KITLG: variants seen among roughly 807,000 people sequenced by gnomAD.
The protein encoded by KITLG is c-Kit ligand.
A neutral mutation model predicts 34.1 loss-of-function variants in KITLG; 13 were observed. That is an observed-to-expected ratio of 0.38 (90% CI 0.25 to 0.61). The LOEUF (loss-of-function observed/expected upper bound fraction) is 0.61. Ranked by LOEUF, KITLG falls within the 20% of genes least tolerant of loss-of-function variation. The pLI is 0.60. For synonymous variants in KITLG, 110 were observed against 104.0 expected, an observed-to-expected ratio of 1.06 and a Z score of -0.35; for missense variants, 292 against 318.9, an observed-to-expected ratio of 0.92 and a Z score of 0.64.
chr12:88,500,159 T>C (rs1211788616), intron 9 of KITLG, among the ~76,000 whole-genome samples: 1 of 152,224 alleles, frequency 6.6e-6, no homozygotes, highest in Non-Finnish European at 1.5e-5. Flanking sequence ...ACACAGTTTC[T>C]ACTTTGGGAC....
At chr12:88,544,567 G>A (rs1870645621) in intron 2 of KITLG, among the ~76,000 whole-genome samples, 1 of 151,722 alleles carries the variant, frequency 6.6e-6, no homozygotes, top group Non-Finnish European at 1.5e-5. Flanking sequence ...TAGCTAACTG[G>A]GTATATAGCA....
intron 9 of KITLG, among the ~76,000 whole-genome samples, chr12:88,503,722 A>T (rs919174346): frequency 1.8e-4 from 28 of 152,128 alleles, no homozygotes; most frequent in Non-Finnish European, 8.8e-5. Flanking sequence ...CCTTTCTCCC[A>T]CAATCCCTCC....
Position 88,512,695 on chromosome 12 carries a change from T to TTA in KITLG, c.604+2837_604+2838dup. Among the ~76,000 whole-genome samples the TTA allele has an allele frequency of 1.3e-5, 2 of 151,792 alleles. 1 individual carries two copies. The highest frequency in any genetic ancestry group is 3.9e-4 in the East Asian group (2 of 5,188). On this transcript the variant is annotated intron_variant, in intron 6 of 9. Coordinates refer to ENST00000644744, the MANE Select transcript of KITLG (RefSeq NM_000899.5). The stretch of plus-strand genomic sequence containing the variant: ...ATAAGACAAATGGTGGCTACCTTTT[T>TTA]TATTTTTTTCAGAAACAATAACTGC...
chr12:88,551,588 G>A (rs1319478890), intron 1 of KITLG, among the ~76,000 whole-genome samples: 1 of 152,088 alleles, frequency 6.6e-6, no homozygotes, highest in Non-Finnish European at 1.5e-5. Context: ...TTTATTTTAG[G>A]TTTCATTTGT....
At chr12:88,562,836 G>A (rs1480623135) in intron 1 of KITLG, among the ~76,000 whole-genome samples, 2 of 152,134 alleles carry the variant, frequency 1.3e-5, no homozygotes, top group African/African-American at 4.8e-5. Flanking sequence ...CCTGGTAGAT[G>A]TGGCCCAAAA....
intron 6 of KITLG, among the ~76,000 whole-genome samples, chr12:88,510,848 T>C (rs1869249254): frequency 6.6e-6 from 1 of 152,084 alleles, no homozygotes; most frequent in Non-Finnish European, 1.5e-5. Context: ...CTAACCCTTC[T>C]CCCAAAAAAG....
At chr12:88,547,097 G>T (rs1489912235) in intron 1 of KITLG, among the ~76,000 whole-genome samples, 1 of 152,104 alleles carries the variant, frequency 6.6e-6, no homozygotes, top group Non-Finnish European at 1.5e-5. Context: ...TAAAATATGT[G>T]CACATTCTTT....
At chr12:88,568,305 ATTTATTTATTTATTTAT>A (rs2120975665) in intron 1 of KITLG, among the ~76,000 whole-genome samples, 1 of 122,106 alleles carries the variant, frequency 8.2e-6, no homozygotes, top group South Asian at 2.8e-4. Context: ...TTATTTATTT[ATTTATTTATTTATTTAT>A]TTTATTTATA....
intron 9 of KITLG, among the ~76,000 whole-genome samples, chr12:88,498,100 T>TA (rs1188630379): frequency 6.6e-6 from 1 of 151,952 alleles, no homozygotes; most frequent in African/African-American, 2.4e-5. Flanking sequence ...CTTCTCTACT[T>TA]AAAAAAAATA....
At chr12:88,498,897 G>C (rs947445204) in intron 9 of KITLG, among the ~76,000 whole-genome samples, 2 of 149,626 alleles carry the variant, frequency 1.3e-5, no homozygotes, top group Admixed American at 1.3e-4. Context: ...AAGAAAGAAA[G>C]AGAGAGAGAG....
intron 6 of KITLG, among the ~76,000 whole-genome samples, chr12:88,508,015 C>T (rs1001596779): frequency 1.3e-4 from 19 of 151,990 alleles, no homozygotes; most frequent in African/African-American, 3.9e-4. Context: ...GGTAAAACCC[C>T]GTCTCTACTA....
intron 3 of KITLG, among the ~76,000 whole-genome samples, chr12:88,526,718 A>T (rs1441690823): frequency 1.3e-5 from 2 of 152,148 alleles, no homozygotes; most frequent in Non-Finnish European, 2.9e-5. Context: ...AATCTAAAAG[A>T]ATCAGGTGTT....
intron 1 of KITLG, among the ~76,000 whole-genome samples, chr12:88,562,516 C>T (rs1871329716): frequency 6.6e-6 from 1 of 152,114 alleles, no homozygotes; most frequent in Non-Finnish European, 1.5e-5. Context: ...TGAAGAAGCC[C>T]CTCGTAAATA....
intron 3 of KITLG, among the ~76,000 whole-genome samples, chr12:88,527,796 T>C (rs982332847): frequency 1.3e-5 from 2 of 152,208 alleles, no homozygotes; most frequent in Non-Finnish European, 2.9e-5. Flanking sequence ...ATCACTTTCG[T>C]AGCATTGTCA....
chr12:88,498,959 G>A (rs1364591127), intron 9 of KITLG, among the ~76,000 whole-genome samples: 1 of 152,114 alleles, frequency 6.6e-6, no homozygotes, highest in Non-Finnish European at 1.5e-5. Flanking sequence ...TTGTCCCCGG[G>A]TCACTTAGCA....
chr12:88,561,140 T>C (rs1871286365), intron 1 of KITLG, among the ~76,000 whole-genome samples: 1 of 152,162 alleles, frequency 6.6e-6, no homozygotes, highest in African/African-American at 2.4e-5. Context: ...AAAGTTATTT[T>C]ATCATTCTGG....
chr12:88,547,094 T>C (rs1184568772), intron 1 of KITLG, among the ~76,000 whole-genome samples: 1 of 152,168 alleles, frequency 6.6e-6, no homozygotes, highest in Admixed American at 6.5e-5. Context: ...TCTTAAAATA[T>C]GTGCACATTC....
At chr12:88,559,976 G>A (rs948622280) in intron 1 of KITLG, among the ~76,000 whole-genome samples, 2 of 152,202 alleles carry the variant, frequency 1.3e-5, no homozygotes, top group Non-Finnish European at 2.9e-5. Context: ...CAGGCTCACT[G>A]TTTATGAAGA....
chr12:88,536,523 G>A (rs1219728245), intron 2 of KITLG, among the ~76,000 whole-genome samples: 1 of 152,070 alleles, frequency 6.6e-6, no homozygotes, highest in African/African-American at 2.4e-5. Flanking sequence ...CTACTATAAA[G>A]ACACATTCAC....
Sources: gnomAD v4.1 joint callset for allele counts (sites outside exome capture counted in the v4.1 genomes callset) on GRCh38, gnomAD v4.1.1 for gene constraint, MANE v1.5 for transcripts, NCBI Gene and HGNC (gene_info 2026-07-23, HGNC 2026-07-21) for gene names.